Variants in BTG4 observed in about 807,000 individuals in gnomAD.
BTG4 encodes the protein BTG anti-proliferation factor 4, also known as protein BTG4.
In BTG4, 10 loss-of-function variants were observed where a neutral mutation model predicts 19.3. That is an observed-to-expected ratio of 0.52 (90% CI 0.32 to 0.88). The LOEUF (loss-of-function observed/expected upper bound fraction) is 0.88. Among genes scored for constraint, BTG4 ranks in the 40% least tolerant of loss-of-function variants. BTG4 has a pLI of 0.04. For synonymous variants in BTG4, 91 were observed against 95.7 expected, an observed-to-expected ratio of 0.95 and a Z score of 0.29; for missense variants, 238 against 281.9, an observed-to-expected ratio of 0.84 and a Z score of 1.11.
the BTG4 span, chr11:111,414,093 C>T: frequency 6.6e-5 from 10 of 152,260 alleles, no homozygotes; most frequent in African/African-American, 2.4e-4. Flanking sequence ...AGTCATGTAC[C>T]ACCTAACTGC....
the BTG4 span, among the ~76,000 whole-genome samples, chr11:111,428,845 C>A: frequency 6.6e-6 from 1 of 152,070 alleles, no homozygotes; most frequent in African/African-American, 2.4e-5. Context: ...TTCGTGGTAA[C>A]CAGGAATACA....
chr11:111,501,391 TTCA>T (rs994390508), intron 1 of BTG4, among the ~76,000 whole-genome samples: 38 of 152,136 alleles, frequency 2.5e-4, no homozygotes, highest in Admixed American at 1.9e-3. Context: ...AAAAAAACCT[TTCA>T]CTAGTGAAGA....
Position 111,495,058 on chromosome 11 carries a change from C to G in BTG4, c.*77G>C, listed in dbSNP as rs1444738525. ...ATTTTTTGTTTCATGGGCCTCTCAA[C>G]CTTAAATTCATTTTTATTTTAGAGA... On this transcript the variant is annotated 3_prime_UTR_variant, in exon 5 of 5. Transcript: ENST00000692032. The G allele has an allele frequency of 8.6e-6, 12 of 1,401,700 alleles. No homozygotes were observed. Among genetic ancestry groups the G allele is most frequent in the Non-Finnish European group, 9.3e-6 (10 of 1,079,802 alleles). The allele number at this position is 1,401,700 out of a possible 1,614,324, so 86.8% of individuals were successfully genotyped here.
At chr11:111,395,309 G>A in the BTG4 span, among the ~76,000 whole-genome samples, 11 of 152,154 alleles carry the variant, frequency 7.2e-5, no homozygotes, top group Admixed American at 2.6e-4. Context: ...TGTCACCTCC[G>A]CAGGCCCCCT....
intron 1 of BTG4, among the ~76,000 whole-genome samples, chr11:111,500,804 T>C (rs1021950059): frequency 6.6e-6 from 1 of 152,160 alleles, no homozygotes; most frequent in African/African-American, 2.4e-5. Flanking sequence ...GGCTTTTACC[T>C]TGTTGGCAGT....
upstream of BTG4, chr11:111,513,367 A>G: frequency 1.9e-6 from 1 of 532,102 alleles, no homozygotes; most frequent in Non-Finnish European, 3.9e-6. Flanking sequence ...GTTGAGCTCC[A>G]ACTCAACCAA....
chr11:111,451,829 A>T, the BTG4 span, among the ~76,000 whole-genome samples: 1 of 152,304 alleles, frequency 6.6e-6, no homozygotes, highest in African/African-American at 2.4e-5. Context: ...AGATGCCCTG[A>T]TGTCCCTATC....
chr11:111,506,764 T>C (rs1866480902), intron 1 of BTG4, among the ~76,000 whole-genome samples: 1 of 152,128 alleles, frequency 6.6e-6, no homozygotes, highest in Admixed American at 6.5e-5. Flanking sequence ...ACAATTAGAA[T>C]ATAGAATAAT....
chr11:111,430,284 G>C, the BTG4 span, among the ~76,000 whole-genome samples: 3 of 152,140 alleles, frequency 2.0e-5, no homozygotes, highest in African/African-American at 7.2e-5. Flanking sequence ...CCAGTAAGGT[G>C]GGACAACTCA....
the BTG4 span, among the ~76,000 whole-genome samples, chr11:111,389,965 T>C: frequency 6.6e-6 from 1 of 152,246 alleles, no homozygotes; most frequent in Admixed American, 6.5e-5. Flanking sequence ...AGCGAGGAAC[T>C]GTTCTAAATA....
At chr11:111,426,000 C>T in the BTG4 span, among the ~76,000 whole-genome samples, 1 of 152,134 alleles carries the variant, frequency 6.6e-6, no homozygotes, top group Non-Finnish European at 1.5e-5. Context: ...CACTGCACTG[C>T]AGCCTGGATG....
At chr11:111,472,075 C>G (rs1238637065) in intron 5 of BTG4, among the ~76,000 whole-genome samples, 14 of 152,238 alleles carry the variant, frequency 9.2e-5, no homozygotes. Context: ...ATGGCTTCCT[C>G]AAGTCCACCC....
chr11:111,475,986 T>G (rs559558985), intron 5 of BTG4, among the ~76,000 whole-genome samples: 1 of 152,076 alleles, frequency 6.6e-6, no homozygotes, highest in East Asian at 1.9e-4. Context: ...AAGAACAGTA[T>G]GGGGGAAACC....
In BTG4 at chr11:111,495,325, A is replaced by G. The variant is rs774094433; in HGVS notation, c.511-11T>C. 6.9e-6 allele frequency: 11 copies of G among 1,604,244 alleles called. No individual in the cohort carries two copies. The highest frequency in any genetic ancestry group is 1.1e-5 in the South Asian group (1 of 90,088). On this transcript the variant is annotated splice_polypyrimidine_tract_variant and intron_variant, in intron 4 of 4. Transcript: ENST00000692032. The stretch of plus-strand genomic sequence containing the variant: ...TTTCAAGTTTTCAACCTGGAAAAAA[A>G]AAGTATAAAGATCTCTAATAAGCTA...
At chr11:111,501,638 T>C (rs1303770035) in intron 1 of BTG4, among the ~76,000 whole-genome samples, 1 of 152,214 alleles carries the variant, frequency 6.6e-6, no homozygotes, top group African/African-American at 2.4e-5. Context: ...GTAACAATTG[T>C]TGTATATTTC....
the BTG4 span, among the ~76,000 whole-genome samples, chr11:111,430,180 C>T: frequency 6.6e-6 from 1 of 152,178 alleles, no homozygotes; most frequent in Non-Finnish European, 1.5e-5. Context: ...CCTGACGACA[C>T]GTGCCCAAGG....
the BTG4 span, chr11:111,417,692 GT>G: frequency 1.3e-5 from 2 of 152,184 alleles, no homozygotes; most frequent in Non-Finnish European, 2.9e-5. Flanking sequence ...AGGCTTGCAT[GT>G]TTGTTATTTT....
intron 5 of BTG4, among the ~76,000 whole-genome samples, chr11:111,473,899 C>T (rs1174113542): frequency 6.6e-6 from 1 of 152,120 alleles, no homozygotes; most frequent in Admixed American, 6.5e-5. Flanking sequence ...CACAAAGATA[C>T]CAACTGCTGT....
Position 111,497,204 on chromosome 11 carries a change from T to A in BTG4, c.510+7A>T, listed in dbSNP as rs1175072707. 1.2e-6 allele frequency: 2 copies of A among 1,611,546 alleles called. No homozygotes were observed. The highest frequency in any genetic ancestry group is 3.3e-5 in the Admixed American group (2 of 59,890). On this transcript the variant is annotated splice_region_variant and intron_variant, in intron 4 of 4. Coordinates refer to ENST00000692032, the MANE Select transcript of BTG4 (RefSeq NM_001367975.1). ...AAAGTATAGAAAAGAACTGGAACACTCTTGACCTGATAAATACTCTTCGGA... is the reference window on the plus strand; with the variant it reads ...AAAGTATAGAAAAGAACTGGAACACACTTGACCTGATAAATACTCTTCGGA...
Sources: gnomAD v4.1 joint callset for allele counts (sites outside exome capture counted in the v4.1 genomes callset) on GRCh38, gnomAD v4.1.1 for gene constraint, MANE v1.5 for transcripts, NCBI Gene and HGNC (gene_info 2026-07-23, HGNC 2026-07-21) for gene names.